DCDC1: variants seen among roughly 807,000 people sequenced by gnomAD.
The protein encoded by DCDC1 is doublecortin domain-containing protein 1.
A neutral mutation model predicts 178.3 loss-of-function variants in DCDC1; 200 were observed. The observed-to-expected ratio is 1.12, with a 90% CI of 1.00 to 1.26. The LOEUF is 1.26. Ranked by LOEUF, DCDC1 falls within the 50% of genes most tolerant of loss-of-function variation. The probability of loss-of-function intolerance (pLI) is 0.00; values close to 1 mark genes in which losing one functional copy is unlikely to be tolerated. For synonymous variants in DCDC1, 690 were observed against 604.8 expected, an observed-to-expected ratio of 1.14 and a Z score of -2.07; for missense variants, 1,983 against 1,749.2, an observed-to-expected ratio of 1.13 and a Z score of -2.38.
rs534829289 is a variant in DCDC1, at chr11:31,136,897, C to T, written c.1314+795G>A. Reference sequence around the variant, plus strand: ...TTGTTCCTCATTACAATATTGCCTACAGAATCTTCTGATTAGCTCACTTAG... The same window carrying T: ...TTGTTCCTCATTACAATATTGCCTATAGAATCTTCTGATTAGCTCACTTAG... On this transcript the variant is annotated intron_variant, in intron 10 of 38. Coordinates refer to ENST00000684477, the MANE Select transcript of DCDC1 (RefSeq NM_001387274.1). 1.1e-4 allele frequency among the ~76,000 whole-genome samples: 16 copies of T among 152,272 alleles called. No homozygotes were observed. In the South Asian group the frequency reaches 3.3e-3, roughly 32 times the overall value.
At chr11:31,070,457 C>A (rs1203255574) in intron 18 of DCDC1, among the ~76,000 whole-genome samples, 1 of 152,096 alleles carries the variant, frequency 6.6e-6, no homozygotes, top group Non-Finnish European at 1.5e-5. Flanking sequence ...CTATTTTTTA[C>A]CACCAGAAGA....
intron 1 of DCDC1, among the ~76,000 whole-genome samples, chr11:31,357,251 G>A (rs1392245622): frequency 6.6e-6 from 1 of 151,794 alleles, no homozygotes; most frequent in Non-Finnish European, 1.5e-5. Flanking sequence ...GATCAAGTGG[G>A]CTTCATCCCT....
intron 3 of DCDC1, among the ~76,000 whole-genome samples, chr11:31,309,721 TATAA>T (rs1948659475): frequency 6.6e-6 from 1 of 152,230 alleles, no homozygotes; most frequent in Non-Finnish European, 1.5e-5. Context: ...GAAATATTCT[TATAA>T]ATATACTAAT....
chr11:31,207,254 T>C (rs1209869761), intron 9 of DCDC1, among the ~76,000 whole-genome samples: 3 of 152,190 alleles, frequency 2.0e-5, no homozygotes, highest in African/African-American at 7.2e-5. Flanking sequence ...ATGAAATGTT[T>C]GTTATTACTA....
chr11:30,871,003 T>C (rs889962358), intron 38 of DCDC1, among the ~76,000 whole-genome samples: 8 of 152,196 alleles, frequency 5.3e-5, no homozygotes, highest in African/African-American at 1.9e-4. Flanking sequence ...CACTGTTCCT[T>C]ACGTAGGGAA....
chr11:31,073,388 A>G lies in DCDC1; in HGVS notation c.2298+4477T>C, dbSNP rs559932799. On this transcript the variant is annotated intron_variant, in intron 18 of 38. Transcript: ENST00000684477. ...GATATGAAGGCACCTAAATTTGGGG[A>G]AAAAAAATGAGAAAGTACACTTAAA... Among the ~76,000 whole-genome samples, 34 of 126,540 alleles carry G rather than the reference A, an allele frequency of 2.7e-4. No homozygotes were observed. In the South Asian group the frequency reaches 4.7e-3, roughly 17 times the overall value. 83.0% of individuals were successfully genotyped at this position (126,540 alleles called of 152,430 possible).
At chr11:31,335,916 T>G (rs1950249561) in intron 1 of DCDC1, among the ~76,000 whole-genome samples, 1 of 152,282 alleles carries the variant, frequency 6.6e-6, no homozygotes. Flanking sequence ...ATATTACTTT[T>G]AAGGTAAAAA....
intron 7 of DCDC1, 114 bp from the exon 8 acceptor site, chr11:31,265,714 T>A: frequency 2.5e-6 from 1 of 405,116 alleles, no homozygotes; most frequent in Non-Finnish European, 4.1e-6. Flanking sequence ...AAATAAAATT[T>A]AATGATTTAT....
intron 20 of DCDC1, among the ~76,000 whole-genome samples, chr11:30,958,284 G>C (rs1230404966): frequency 6.6e-6 from 1 of 152,120 alleles, no homozygotes; most frequent in Non-Finnish European, 1.5e-5. Flanking sequence ...ATCTTTATTT[G>C]TCATGTAAAT....
chr11:31,297,787 G>C (rs1382619811), intron 6 of DCDC1, among the ~76,000 whole-genome samples: 1 of 152,150 alleles, frequency 6.6e-6, no homozygotes, highest in African/African-American at 2.4e-5. Flanking sequence ...AGGCTAATCA[G>C]AGACTCAAAA....
At chr11:30,943,011 G>A (rs1947761855) in intron 21 of DCDC1, among the ~76,000 whole-genome samples, 2 of 152,114 alleles carry the variant, frequency 1.3e-5, no homozygotes, top group South Asian at 4.1e-4. Flanking sequence ...AAAAAGTACA[G>A]ATATGTAATT....
intron 20 of DCDC1, among the ~76,000 whole-genome samples, chr11:30,981,144 C>A (rs540586686): frequency 6.6e-6 from 1 of 152,076 alleles, no homozygotes; most frequent in Admixed American, 6.6e-5. Context: ...ACAATGGGTA[C>A]CATGGACCCA....
At chr11:31,143,521 T>C (rs909201586) in intron 9 of DCDC1, among the ~76,000 whole-genome samples, 6 of 152,150 alleles carry the variant, frequency 3.9e-5, no homozygotes, top group Non-Finnish European at 5.9e-5. Flanking sequence ...CCATACTTAA[T>C]CTATTTTTGA....
intron 9 of DCDC1, among the ~76,000 whole-genome samples, chr11:31,192,723 T>C (rs1386631552): frequency 2.0e-5 from 3 of 152,130 alleles, no homozygotes; most frequent in East Asian, 1.9e-4. Flanking sequence ...GATTCATCTA[T>C]AAGACTCTGA....
intron 7 of DCDC1, among the ~76,000 whole-genome samples, chr11:31,266,380 C>G (rs564454467): frequency 1.8e-4 from 28 of 152,258 alleles, no homozygotes; most frequent in South Asian, 1.2e-3. Flanking sequence ...AAAAAAAGTT[C>G]TACTCACAAG....
chr11:31,353,173 C>A (rs941922090), intron 1 of DCDC1, among the ~76,000 whole-genome samples: 2 of 152,200 alleles, frequency 1.3e-5, no homozygotes, highest in African/African-American at 4.8e-5. Flanking sequence ...CACTTCTTCA[C>A]AATTTTCACA....
intron 20 of DCDC1, among the ~76,000 whole-genome samples, chr11:31,055,014 G>A (rs970474125): frequency 2.2e-4 from 34 of 152,054 alleles, no homozygotes; most frequent in African/African-American, 2.2e-4. Context: ...AAGAGCTTTC[G>A]CACGGCAAAA....
chr11:31,018,724 A>T (rs1952660539), intron 20 of DCDC1, among the ~76,000 whole-genome samples: 1 of 152,230 alleles, frequency 6.6e-6, no homozygotes, highest in Non-Finnish European at 1.5e-5. Context: ...GAGATTAGAC[A>T]GCATGCACTT....
intron 1 of DCDC1, among the ~76,000 whole-genome samples, chr11:31,336,426 G>C (rs1311326750): frequency 6.6e-6 from 1 of 152,234 alleles, no homozygotes; most frequent in Non-Finnish European, 1.5e-5. Context: ...GATGAGGTTA[G>C]AAAGGGTATG....
Sources: allele counts gnomAD v4.1 joint callset (sites outside exome capture counted in the v4.1 genomes callset), GRCh38; gene constraint gnomAD v4.1.1; transcripts MANE v1.5; gene names NCBI Gene and HGNC (gene_info 2026-07-23, HGNC 2026-07-21).